The following CACNA1C variants were observed in gnomAD, a reference collection of about 807,000 sequenced individuals.
CACNA1C encodes calcium voltage-gated channel subunit alpha1 C.
In CACNA1C, 30 loss-of-function variants were observed where a neutral mutation model predicts 229.0. The observed-to-expected ratio is 0.13, with a 90% CI of 0.10 to 0.18. The LOEUF (loss-of-function observed/expected upper bound fraction) is 0.18, where lower values mean the gene tolerates loss of function less well. Ranked by LOEUF, CACNA1C falls within the 10% of genes least tolerant of loss-of-function variation. The probability of loss-of-function intolerance (pLI) is 1.00; values close to 1 mark genes in which losing one functional copy is unlikely to be tolerated. For missense variants in CACNA1C, 1,658 were observed against 2,845.0 expected (o/e 0.58, Z 9.49); for synonymous variants, 1,114 against 1,132.5 (o/e 0.98, Z 0.33).
chr12:2,294,265 G>A (rs1203638990), intron 3 of CACNA1C, among the ~76,000 whole-genome samples: 3 of 152,176 alleles, frequency 2.0e-5, no homozygotes, highest in African/African-American at 7.2e-5. Context: ...AGGAGTCAGC[G>A]AGAAGACATG....
chr12:2,243,318 G>C (rs1303865057), intron 3 of CACNA1C, among the ~76,000 whole-genome samples: 1 of 152,180 alleles, frequency 6.6e-6, no homozygotes, highest in Non-Finnish European at 1.5e-5. Context: ...GTAAGTAATT[G>C]CTGATGAATT....
At chr12:2,297,225 C>T (rs1308211417) in intron 3 of CACNA1C, among the ~76,000 whole-genome samples, 1 of 152,208 alleles carries the variant, frequency 6.6e-6, no homozygotes, top group African/African-American at 2.4e-5. Context: ...GAGCACAGAA[C>T]ACGTGGGAGC....
rs746344645 is a variant in CACNA1C, at chr12:2,608,742, C to A, written c.3558+30C>A. The stretch of plus-strand genomic sequence containing the variant: ...CTTCCTAGGAAGGAGCGGAGGGAAG[C>A]GGGGCCCACGGAGGGAATGGCAGCC... On this transcript the variant is annotated intron_variant, in intron 27 of 46. Transcript: ENST00000399655. This position sits in a 1 kb window ranked among gnomAD's most constrained non-coding sequence, Gnocchi z 4.2. 1 of 1,609,242 alleles carries A rather than the reference C, an allele frequency of 6.2e-7. No individual in the cohort carries two copies. The highest frequency in any genetic ancestry group is 8.5e-7 in the Non-Finnish European group (1 of 1,177,220).
At chr12:2,206,515 A>G (rs2097762121) in intron 3 of CACNA1C, among the ~76,000 whole-genome samples, 1 of 152,198 alleles carries the variant, frequency 6.6e-6, no homozygotes, top group Admixed American at 6.5e-5. Flanking sequence ...CAGCATTTTT[A>G]TCTGCAAAAT....
At chr12:2,471,619 T>C (rs553592957) in intron 5 of CACNA1C, among the ~76,000 whole-genome samples, 1 of 152,338 alleles carries the variant, frequency 6.6e-6, no homozygotes, top group South Asian at 2.1e-4. Context: ...TTTTTTTTTC[T>C]TTCAGAACTT....
At chr12:2,471,084 G>A (rs998294930) in intron 5 of CACNA1C, among the ~76,000 whole-genome samples, 2 of 152,044 alleles carry the variant, frequency 1.3e-5, no homozygotes, top group African/African-American at 2.4e-5. Context: ...TGCTCTCCTC[G>A]GCCTTCCAAA....
intron 10 of CACNA1C, chr12:2,550,693 G>C (rs757146782): frequency 3.7e-5 from 49 of 1,317,616 alleles, no homozygotes; most frequent in Middle Eastern, 5.3e-4. Flanking sequence ...TGCTCCACCT[G>C]GGGGGCGGGG....
intron 3 of CACNA1C, among the ~76,000 whole-genome samples, chr12:2,412,167 C>T (rs2098815311): frequency 6.6e-6 from 1 of 152,106 alleles, no homozygotes. Context: ...GGGGTCCCTT[C>T]CTTCCCTCAC....
In CACNA1C at chr12:2,071,172, C is replaced by CCCTGCCTGCCTGCCTGCCTG. The variant is rs767264073; in HGVS notation, c.49+17581_49+17600dup. On this transcript the variant is annotated intron_variant, in intron 1 of 46. Transcript: ENST00000399655. Reference sequence around the variant, plus strand: ...TCCCTCCCTCCCTCCCTCCCTCCCTCCCTGCCTGCCTGCCTGCCTGCCTGC... The same window carrying CCCTGCCTGCCTGCCTGCCTG: ...TCCCTCCCTCCCTCCCTCCCTCCCTCCCTGCCTGCCTGCCTGCCTGCCTGCCTGCCTGCCTGCCTGCCTGC... Among the ~76,000 whole-genome samples, 21 of 16,038 alleles carry CCCTGCCTGCCTGCCTGCCTG rather than the reference C, an allele frequency of 1.3e-3. 1 individual carries two copies. The highest frequency in any genetic ancestry group is 7.0e-3 in the African/African-American group (18 of 2,576). The allele number at this position is 16,038 out of a possible 152,430, so 10.5% of individuals were successfully genotyped here. A position where few individuals can be genotyped will look rare whatever the true frequency, so the allele number is the denominator to read the frequency against.
intron 32 of CACNA1C, among the ~76,000 whole-genome samples, chr12:2,652,754 G>A (rs777329911): frequency 6.4e-4 from 98 of 152,238 alleles, no homozygotes; most frequent in Non-Finnish European, 1.1e-3. Flanking sequence ...GTGATGAGCT[G>A]GGGCTCCTGC....
At chr12:2,321,474 T>C (rs2095995462) in intron 3 of CACNA1C, among the ~76,000 whole-genome samples, 1 of 152,150 alleles carries the variant, frequency 6.6e-6, no homozygotes, top group South Asian at 2.1e-4. Flanking sequence ...AGTTTATTAA[T>C]TCTGGTGGTT....
At chr12:2,099,947 G>C (rs574460541) in intron 1 of CACNA1C, among the ~76,000 whole-genome samples, 1 of 152,322 alleles carries the variant, frequency 6.6e-6, no homozygotes. Flanking sequence ...AAGTGAGGAA[G>C]CTGAGGCACA....
At position 2,597,069 on chromosome 12, in the gene CACNA1C, G is replaced by GC. The variant is rs577794297; in HGVS notation, c.2794-155dup. The stretch of plus-strand genomic sequence containing the variant: ...CAGGATGTCTGTGTGTGTGCCGCTT[G>GC]CCCCCCATGTCCATCTGTGTCCCTG... On this transcript the variant is annotated intron_variant, in intron 20 of 46. Coordinates refer to ENST00000399655, the MANE Select transcript of CACNA1C (RefSeq NM_000719.7). This position sits in a 1 kb window ranked among gnomAD's most constrained non-coding sequence, Gnocchi z 4.3. 1.1e-4 allele frequency among the ~76,000 whole-genome samples: 17 copies of GC among 152,098 alleles called. No homozygotes were observed. The East Asian group carries it at 3.3e-3, about 29-fold the overall frequency.
intron 38 of CACNA1C, among the ~76,000 whole-genome samples, chr12:2,669,562 G>T (rs2096440140): frequency 6.6e-6 from 1 of 152,202 alleles, no homozygotes; most frequent in Non-Finnish European, 1.5e-5. Flanking sequence ...AAGGAGACGG[G>T]TGTTACCTGA....
At chr12:2,239,430 A>G (rs925997383) in intron 3 of CACNA1C, among the ~76,000 whole-genome samples, 1 of 152,112 alleles carries the variant, frequency 6.6e-6, no homozygotes, top group Admixed American at 6.5e-5. Flanking sequence ...AGGAAGGGTC[A>G]GCTGCACAGA....
At chr12:2,282,849 G>C (rs1449761055) in intron 3 of CACNA1C, among the ~76,000 whole-genome samples, 1 of 152,204 alleles carries the variant, frequency 6.6e-6, no homozygotes, top group East Asian at 1.9e-4. Flanking sequence ...ATGCCACTGA[G>C]AACCAAGGCT....
chr12:2,254,569 C>T (rs1196708496), intron 3 of CACNA1C, among the ~76,000 whole-genome samples: 1 of 152,182 alleles, frequency 6.6e-6, no homozygotes, highest in Admixed American at 6.5e-5. Context: ...CAGCTCCGCA[C>T]CCTCTGCTGT....
chr12:2,073,884 AG>A (rs2062229193), intron 1 of CACNA1C, among the ~76,000 whole-genome samples: 1 of 151,878 alleles, frequency 6.6e-6, no homozygotes, highest in Non-Finnish European at 1.5e-5. Context: ...GTGTGGATCC[AG>A]GACTGGTTAT....
chr12:2,547,920 C>G (rs2099884754), intron 9 of CACNA1C, among the ~76,000 whole-genome samples: 1 of 152,166 alleles, frequency 6.6e-6, no homozygotes, highest in Non-Finnish European at 1.5e-5. Flanking sequence ...GTCTGTCTTT[C>G]CAGGCCTAGC....
Sources: allele counts gnomAD v4.1 joint callset (sites outside exome capture counted in the v4.1 genomes callset), GRCh38; gene constraint gnomAD v4.1.1; non-coding constraint Gnocchi (gnomAD v3.1); transcripts MANE v1.5; gene names NCBI Gene and HGNC (gene_info 2026-07-23, HGNC 2026-07-21).